Variants in DNHD1 observed in about 807,000 individuals in gnomAD.
The protein encoded by DNHD1 is dynein heavy chain domain 1.
Under a neutral mutation model 458.1 loss-of-function variants are expected in DNHD1, and 383 were observed. The observed-to-expected ratio is 0.84, with a 90% CI of 0.77 to 0.91. The LOEUF (loss-of-function observed/expected upper bound fraction) is 0.91, where lower values mean the gene tolerates loss of function less well. Ranked by LOEUF, DNHD1 falls within the 40% of genes least tolerant of loss-of-function variation. The pLI, the probability that DNHD1 is intolerant of heterozygous loss-of-function variation, is 0.00. For missense variants in DNHD1, 5,336 were observed against 5,866.1 expected (o/e 0.91, Z 2.95); for synonymous variants, 2,203 against 2,376.9 (o/e 0.93, Z 2.13).
At chr11:6,514,579 T>A (rs756696470) in intron 7 of DNHD1, among the ~76,000 whole-genome samples, 5 of 148,612 alleles carry the variant, frequency 3.4e-5, no homozygotes, top group Non-Finnish European at 7.5e-5. Flanking sequence ...CTCTCTTCCT[T>A]CCTTCCTTCT....
At chr11:6,513,367 T>G (rs957715538) in intron 7 of DNHD1, among the ~76,000 whole-genome samples, 12 of 152,204 alleles carry the variant, frequency 7.9e-5, no homozygotes, top group Admixed American at 5.9e-4. Context: ...GGTGCCTCTT[T>G]CATTGATACC....
chr11:6,535,587 C>A (rs921637700), intron 14 of DNHD1, among the ~76,000 whole-genome samples: 14 of 152,138 alleles, frequency 9.2e-5, no homozygotes, highest in African/African-American at 3.1e-4. Flanking sequence ...TACCAACTGG[C>A]TAAATCTGGA....
At position 6,533,198 on chromosome 11, in the gene DNHD1, A is replaced by T; in HGVS notation, c.2505+14A>T. ...TGCACCCAGAAGGTGGGCTCTCCCC[A>T]TCCATCCTTCCCAGTTTATTCAGGG... On this transcript the variant is annotated intron_variant, in intron 13 of 42. Coordinates refer to ENST00000254579, the MANE Select transcript of DNHD1 (RefSeq NM_144666.3). 1 of 1,550,376 alleles carries T rather than the reference A, an allele frequency of 6.5e-7. No homozygotes were observed. The highest frequency in any genetic ancestry group is 1.2e-5 in the South Asian group (1 of 83,950).
chr11:6,509,337 T>A (rs1852292210), intron 6 of DNHD1, 65 bp downstream of exon 6: 1 of 1,391,130 alleles, frequency 7.2e-7, no homozygotes, highest in Non-Finnish European at 9.9e-7. Flanking sequence ...GGTAATAGTA[T>A]GTTTGTTGTA....
At chr11:6,529,205 CGGAGACCTTCGGTGCA>C (rs1316955816) in intron 12 of DNHD1, 84 bp downstream of exon 12, 4 of 1,436,812 alleles carry the variant, frequency 2.8e-6, no homozygotes, top group Non-Finnish European at 3.8e-6. Flanking sequence ...GAATGTCCTC[CGGAGACCTTCGGTGCA>C]GGCCTCTTAT....
At position 6,544,986 on chromosome 11, in the gene DNHD1, C is replaced by T. The variant is rs982052172; in HGVS notation, c.4047C>T (p.Leu1349=). 4 of 1,551,606 alleles carry T rather than the reference C, an allele frequency of 2.6e-6. No homozygotes were observed. Among genetic ancestry groups the T allele is most frequent in the Non-Finnish European group, 3.5e-6 (4 of 1,147,010 alleles). Residue 1349 remains leucine, a synonymous_variant, in exon 21 of 43, where the codon CTC becomes CTT. Coordinates refer to ENST00000254579, the MANE Select transcript of DNHD1 (RefSeq NM_144666.3). ...EGIIMSLESV[L]YGVCAHFPRL... ...TCATCATGAGTCTGGAGAGCGTGCT[C>T]TATGGGGTGTGTGCTCACTTCCCCC...
chr11:6,528,091 G>C lies in DNHD1; in HGVS notation c.1838-431G>C, dbSNP rs188278607. 2.8e-3 allele frequency among the ~76,000 whole-genome samples: 429 copies of C among 152,300 alleles called. 2 individuals are homozygous for C. The highest frequency in any genetic ancestry group is 4.7e-3 in the Non-Finnish European group (319 of 68,034). On this transcript the variant is annotated intron_variant, in intron 10 of 42. Transcript: ENST00000254579. ...TTGAATTAAGAGGGGGAAAGAGTCAGGGCGTATGCCATCCGTTCTGTGGAT... is the reference window on the plus strand; with the variant it reads ...TTGAATTAAGAGGGGGAAAGAGTCACGGCGTATGCCATCCGTTCTGTGGAT...
At position 6,558,883 on chromosome 11, in the gene DNHD1, A is replaced by G; in HGVS notation, c.9212-19A>G. On this transcript the variant is annotated intron_variant, in intron 26 of 42. Transcript: ENST00000254579. The stretch of plus-strand genomic sequence containing the variant: ...TCCTACAAGCTCACAGAGTGAGGCT[A>G]AAGCCATGCCCATTGCAGGCTCCTG... 1 of 1,551,332 alleles carries G rather than the reference A, an allele frequency of 6.4e-7. No individual in the cohort carries two copies. Among genetic ancestry groups the G allele is most frequent in the Non-Finnish European group, 8.7e-7 (1 of 1,146,670 alleles).
In DNHD1 at chr11:6,514,538, T is replaced by C. The variant is rs190572610; in HGVS notation, c.1392+3109T>C. Among the ~76,000 whole-genome samples the C allele has an allele frequency of 4.6e-5, 7 of 150,586 alleles. 1 individual carries two copies. The East Asian group carries it at 5.8e-4, about 13-fold the overall frequency. On this transcript the variant is annotated intron_variant, in intron 7 of 42. Transcript: ENST00000254579. ...CTTCTTTCCTCCCTTCCTCCCTTTT[T>C]CTCTCCCTCCCTCTCTTCCTCCCTC...
rs1348010204 is a variant in DNHD1 at position 6,571,342 on chromosome 11, T to C, written c.13830T>C (p.Asn4610=). ...TGGACCAGAATGTGCCCAGCTCGAA[T>C]TTCCCTGGTAGCCGAGGCTCGGTCT... ...AALDQNVPSS[N]FPGSRGSVSS... The change falls in exon 42 of 43, where the codon AAT becomes AAC. Residue 4610 remains asparagine, a synonymous_variant. Transcript: ENST00000254579. This position sits in a 1 kb window ranked among gnomAD's most constrained non-coding sequence, Gnocchi z 5.0. 3 of 1,612,508 alleles carry C rather than the reference T, an allele frequency of 1.9e-6. No individual in the cohort carries two copies. In the East Asian group the frequency reaches 6.7e-5, roughly 36 times the overall value.
At chr11:6,566,207 T>C (rs768188732) in intron 33 of DNHD1, 34 bp from the exon 34 acceptor site, 3 of 1,547,194 alleles carry the variant, frequency 1.9e-6, no homozygotes, top group Non-Finnish European at 8.7e-7. Context: ...GGTGCTGGCA[T>C]TGTGGGTAGG....
chr11:6,525,057 G>C (rs957149531), intron 10 of DNHD1, among the ~76,000 whole-genome samples: 2 of 152,120 alleles, frequency 1.3e-5, no homozygotes, highest in African/African-American at 4.8e-5. Flanking sequence ...CAATAAAGTG[G>C]TTTTCATTTT....
At chr11:6,552,934 T>C (rs1432422736) in intron 24 of DNHD1, among the ~76,000 whole-genome samples, 1 of 152,296 alleles carries the variant, frequency 6.6e-6, no homozygotes, top group South Asian at 2.1e-4. Context: ...GAATGCATAA[T>C]AAATGTTTCC....
In DNHD1 at chr11:6,511,385, C is replaced by T. The variant is rs761837767; in HGVS notation, c.1348C>T (p.Leu450=). ...CGAGGAGAAGCATAAGGCTCTACGG[C>T]TGCTCCATCGTTGCCTAAACCTCTG... ...LAEEKHKALR[L]LHRCLNLCTS... The change falls in exon 7 of 43, where the codon CTG becomes TTG. Residue 450 remains leucine, a synonymous_variant. Coordinates refer to ENST00000254579, the MANE Select transcript of DNHD1 (RefSeq NM_144666.3). The T allele has an allele frequency of 4.3e-6, 7 of 1,614,118 alleles. No individual in the cohort carries two copies. Among genetic ancestry groups the T allele is most frequent in the Non-Finnish European group, 5.9e-6 (7 of 1,180,046 alleles).
Position 6,497,873 on chromosome 11 carries a change from G to A in DNHD1, c.-343G>A. 1 of 286,668 alleles carries A rather than the reference G, an allele frequency of 3.5e-6. No individual in the cohort carries two copies. The highest frequency in any genetic ancestry group is 7.6e-5 in the East Asian group (1 of 13,194). The allele number at this position is 286,668 out of a possible 1,614,324, so 17.8% of individuals were successfully genotyped here. ...AGGGGGACAGGGTACTGGGAGGTAA[G>A]AAGGAACTCTTCTGCAAGGAGGGCT... On this transcript the variant is annotated 5_prime_UTR_variant, in exon 3 of 43. Coordinates refer to ENST00000254579, the MANE Select transcript of DNHD1 (RefSeq NM_144666.3).
At chr11:6,512,320 A>C (rs1472249563) in intron 7 of DNHD1, among the ~76,000 whole-genome samples, 3 of 136,888 alleles carry the variant, frequency 2.2e-5, no homozygotes, top group South Asian at 2.2e-4. Context: ...TTCCGGGTTC[A>C]CGCCATTCTC....
intron 39 of DNHD1, among the ~76,000 whole-genome samples, chr11:6,569,451 C>T (rs1853789741): frequency 1.3e-5 from 2 of 151,806 alleles, no homozygotes; most frequent in Admixed American, 6.6e-5. Context: ...CCACTGCACT[C>T]CAGCCTGGGT....
At position 6,507,888 on chromosome 11, in the gene DNHD1, G is replaced by A. The variant is rs115920505; in HGVS notation, c.921-992G>A. 4.9e-3 allele frequency among the ~76,000 whole-genome samples: 747 copies of A among 152,224 alleles called. 6 individuals carry two copies. Among genetic ancestry groups the A allele is most frequent in the African/African-American group, 0.017 (714 of 41,542 alleles). On this transcript the variant is annotated intron_variant, in intron 4 of 42. Coordinates refer to ENST00000254579, the MANE Select transcript of DNHD1 (RefSeq NM_144666.3). ...AGTAACTTTGTCAAAAACAAAACAAGGTTTTTGTATGACTTGACTTAGTGT... is the reference window on the plus strand; with the variant it reads ...AGTAACTTTGTCAAAAACAAAACAAAGTTTTTGTATGACTTGACTTAGTGT...
At chr11:6,551,592 A>T (rs1234911362) in intron 24 of DNHD1, among the ~76,000 whole-genome samples, 1 of 152,244 alleles carries the variant, frequency 6.6e-6, no homozygotes, top group Non-Finnish European at 1.5e-5. Context: ...AAAGGAAAAC[A>T]TAAATTTTGA....
Sources: allele counts gnomAD v4.1 joint callset (sites outside exome capture counted in the v4.1 genomes callset), GRCh38; gene constraint gnomAD v4.1.1; non-coding constraint Gnocchi (gnomAD v3.1); transcripts MANE v1.5; gene names NCBI Gene and HGNC (gene_info 2026-07-23, HGNC 2026-07-21).